DCAF6: variants seen among roughly 807,000 people sequenced by gnomAD.
The protein encoded by DCAF6 is DDB1 and CUL4 associated factor 6.
A neutral mutation model predicts 125.1 loss-of-function variants in DCAF6; 54 were observed. The observed-to-expected ratio is 0.43, with a 90% confidence interval of 0.35 to 0.54. DCAF6 has a LOEUF of 0.54. Ranked by LOEUF, DCAF6 falls within the 20% of genes least tolerant of loss-of-function variation. DCAF6 has a pLI of 0.01. For missense variants in DCAF6, 934 were observed against 1,161.7 expected (o/e 0.80, Z 2.85); for synonymous variants, 371 against 390.4 (o/e 0.95, Z 0.58).
the DCAF6 span, among the ~76,000 whole-genome samples, chr1:167,887,492 C>T: frequency 6.6e-6 from 1 of 151,910 alleles, no homozygotes; most frequent in Non-Finnish European, 1.5e-5. Flanking sequence ...GGGAATTGAA[C>T]AATGAGAACA....
At chr1:167,927,365 G>A in the DCAF6 span, among the ~76,000 whole-genome samples, 1 of 152,070 alleles carries the variant, frequency 6.6e-6, no homozygotes. Flanking sequence ...TGAGATTCTG[G>A]GATTCCTATC....
intron 14 of DCAF6, 49 bp downstream of exon 14, chr1:168,043,189 T>A: frequency 7.5e-7 from 1 of 1,332,886 alleles, no homozygotes; most frequent in Non-Finnish European, 1.1e-6. Context: ...GCATTGGATG[T>A]TTATCTACTT....
intron 7 of DCAF6, among the ~76,000 whole-genome samples, chr1:167,999,214 G>A (rs535369413): frequency 1.3e-5 from 2 of 152,142 alleles, no homozygotes; most frequent in Non-Finnish European, 2.9e-5. Context: ...TGAGCAGTAG[G>A]TCTCAATAGT....
intron 2 of DCAF6, among the ~76,000 whole-genome samples, chr1:167,962,649 C>T (rs960443458): frequency 6.6e-5 from 10 of 152,084 alleles, no homozygotes; most frequent in African/African-American, 2.4e-4. Context: ...TTGATCCACT[C>T]TGACAGTCTC....
chr1:167,999,030 G>A (rs1431132324), intron 7 of DCAF6, among the ~76,000 whole-genome samples: 1 of 152,050 alleles, frequency 6.6e-6, no homozygotes, highest in African/African-American at 2.4e-5. Flanking sequence ...ACTATCTGTG[G>A]CAGCTATAGC....
intron 3 of DCAF6, among the ~76,000 whole-genome samples, chr1:167,970,467 T>C (rs1677136481): frequency 6.6e-6 from 1 of 152,070 alleles, no homozygotes; most frequent in African/African-American, 2.4e-5. Context: ...GCCTGGGAAA[T>C]GTAGTGAGAC....
chr1:167,957,235 G>A (rs1307954528), intron 2 of DCAF6, among the ~76,000 whole-genome samples: 1 of 151,976 alleles, frequency 6.6e-6, no homozygotes, highest in Non-Finnish European at 1.5e-5. Flanking sequence ...TTTATCATCT[G>A]AAAAAGAGTA....
At chr1:168,063,961 T>TA (rs66923770) in intron 18 of DCAF6, 2 of 408,212 alleles carry the variant, frequency 4.9e-6, no homozygotes, top group South Asian at 8.3e-5. Context: ...AAAACTCTAC[T>TA]AAAAAAATGC....
chr1:167,969,383 C>T (rs928148386), intron 3 of DCAF6: 13 of 152,130 alleles, frequency 8.5e-5, no homozygotes, highest in Admixed American at 5.9e-4. Context: ...ATATACAATT[C>T]GATAAGCTGG....
intron 3 of DCAF6, among the ~76,000 whole-genome samples, chr1:167,974,313 A>G (rs1430110432): frequency 6.6e-6 from 1 of 152,212 alleles, no homozygotes; most frequent in Admixed American, 6.5e-5. Flanking sequence ...AAATATTAAA[A>G]TATCAATTTT....
At chr1:167,963,782 G>T (rs552800380) in intron 2 of DCAF6, among the ~76,000 whole-genome samples, 1 of 151,804 alleles carries the variant, frequency 6.6e-6, no homozygotes, top group South Asian at 2.1e-4. Flanking sequence ...TCCTTCCTTA[G>T]TATTTATTAG....
chr1:167,996,141 G>A (rs1349958574), intron 7 of DCAF6, among the ~76,000 whole-genome samples: 2 of 152,052 alleles, frequency 1.3e-5, no homozygotes, highest in Admixed American at 1.3e-4. Context: ...TCAATTTGTG[G>A]AGGCCTTTCT....
At chr1:168,050,204 A>G (rs1316263463) in intron 16 of DCAF6, among the ~76,000 whole-genome samples, 1 of 152,158 alleles carries the variant, frequency 6.6e-6, no homozygotes, top group Non-Finnish European at 1.5e-5. Flanking sequence ...TTGCCCTTTA[A>G]TAACTTTTAA....
chr1:167,944,633 A>T (rs78841916), intron 1 of DCAF6, among the ~76,000 whole-genome samples: 9,061 of 152,168 alleles, frequency 0.06, 316 homozygotes, highest in Middle Eastern at 0.12. Context: ...TGTTTTGCCT[A>T]CTTTTTAATA....
the DCAF6 span, among the ~76,000 whole-genome samples, chr1:167,911,119 G>A: frequency 2.0e-5 from 3 of 152,118 alleles, no homozygotes; most frequent in African/African-American, 2.4e-5. Context: ...GGCAATCACC[G>A]AAGGACAAAT....
At position 167,967,714 on chromosome 1, in the gene DCAF6, C is replaced by CTTTTTTTTTTTTTTTTTTTT. The variant is rs552208317; in HGVS notation, c.252+1000_252+1019dup. Among the ~76,000 whole-genome samples, 38 of 74,580 alleles carry CTTTTTTTTTTTTTTTTTTTT rather than the reference C, an allele frequency of 5.1e-4. 5 individuals carry two copies. Among genetic ancestry groups the CTTTTTTTTTTTTTTTTTTTT allele is most frequent in the African/African-American group, 1.9e-3 (37 of 18,984 alleles). The allele number at this position is 74,580 out of a possible 152,430, so 48.9% of individuals were successfully genotyped here. Reference sequence around the variant, plus strand: ...CCTGATTGTCTTAAATTTCCTGTATCTTTTTTTTTTTTTTTTTTTTTTTTT... The same window carrying CTTTTTTTTTTTTTTTTTTTT: ...CCTGATTGTCTTAAATTTCCTGTATCTTTTTTTTTTTTTTTTTTTTTTTTTTTTTTTTTTTTTTTTTTTTT... On this transcript the variant is annotated intron_variant, in intron 3 of 21. Coordinates refer to ENST00000367840, the MANE Select transcript of DCAF6 (RefSeq NM_001198956.2).
upstream of DCAF6, chr1:167,935,655 T>G (rs1671112419): frequency 1.6e-6 from 2 of 1,230,816 alleles, no homozygotes; most frequent in Non-Finnish European, 2.3e-6. Flanking sequence ...GAGGCAGTTG[T>G]CAGAGGGCCT....
intron 5 of DCAF6, 91 bp from the exon 6 acceptor site, chr1:167,991,113 T>C (rs1680759793): frequency 9.1e-7 from 1 of 1,096,546 alleles, no homozygotes; most frequent in Non-Finnish European, 1.3e-6. Flanking sequence ...CTGAGAATGG[T>C]TATTCTAATT....
At chr1:167,929,545 A>G in the DCAF6 span, among the ~76,000 whole-genome samples, 1 of 152,248 alleles carries the variant, frequency 6.6e-6, no homozygotes. Flanking sequence ...AAATAATAAC[A>G]GACATAAATT....
Sources: gnomAD v4.1 joint callset for allele counts (sites outside exome capture counted in the v4.1 genomes callset) on GRCh38, gnomAD v4.1.1 for gene constraint, MANE v1.5 for transcripts, NCBI Gene and HGNC (gene_info 2026-07-23, HGNC 2026-07-21) for gene names.